The following ZNF282 variants were observed in gnomAD, a reference collection of about 807,000 sequenced individuals.
ZNF282 encodes HTLV-I U5 repressive element-binding protein 1.
Under a neutral mutation model 61.9 loss-of-function variants are expected in ZNF282, and 30 were observed. That is an observed-to-expected ratio of 0.48 (90% CI 0.36 to 0.66). The LOEUF (loss-of-function observed/expected upper bound fraction) is 0.66, where lower values mean the gene tolerates loss of function less well. Among genes scored for constraint, ZNF282 ranks in the 30% least tolerant of loss-of-function variants. ZNF282 has a pLI of 0.00. For missense variants in ZNF282, 788 were observed against 941.4 expected (o/e 0.84, Z 2.13); for synonymous variants, 396 against 405.0 (o/e 0.98, Z 0.27).
In ZNF282 at chr7:149,200,911, A is replaced by G. The variant is rs376709161; in HGVS notation, c.585+2159A>G. 7.9e-5 allele frequency among the ~76,000 whole-genome samples: 12 copies of G among 152,282 alleles called. No homozygotes were observed. The South Asian group carries it at 1.9e-3, about 24-fold the overall frequency. ...CACGCCCAGCTAGTCTCACATTATT[A>G]AAAGCAATCTGTATGCTCTCACCTC... is the stretch of plus-strand genomic sequence containing the variant. On this transcript the variant is annotated intron_variant, in intron 2 of 7. Transcript: ENST00000610704.
intron 3 of ZNF282, among the ~76,000 whole-genome samples, chr7:149,207,115 C>T (rs1022676692): frequency 3.9e-5 from 6 of 152,158 alleles, no homozygotes; most frequent in Non-Finnish European, 7.3e-5. Flanking sequence ...CCCAGCAGCC[C>T]GCGGTAAGCC....
chr7:149,223,918 C>T lies in ZNF282; in HGVS notation c.1287C>T (p.Ser429=). The part of the protein sequence containing the change: ...PQLQSQPQPQ[S]LPPIAVAENP... Reference sequence around the variant, plus strand: ...TGCAGTCGCAGCCCCAGCCCCAGAGCCTGCCCCCCATCGCGGTGGCCGAGA... The same window carrying T: ...TGCAGTCGCAGCCCCAGCCCCAGAGTCTGCCCCCCATCGCGGTGGCCGAGA... Residue 429 remains serine (S), a synonymous_variant, in exon 8 of 8, where the codon AGC becomes AGT. Transcript: ENST00000610704. 7.4e-7 allele frequency: 1 copy of T among 1,352,372 alleles called. No homozygotes were observed. Among genetic ancestry groups the T allele is most frequent in the Non-Finnish European group, 9.5e-7 (1 of 1,055,344 alleles). 83.8% of individuals were successfully genotyped at this position (1,352,372 alleles called of 1,614,324 possible).
intron 7 of ZNF282, 89 bp downstream of exon 7, chr7:149,213,903 C>A: frequency 2.3e-6 from 2 of 869,938 alleles, no homozygotes; most frequent in Non-Finnish European, 3.7e-6. Flanking sequence ...CTTCTCAGCT[C>A]ACCCCTCGTA....
At chr7:149,212,523 G>A in intron 6 of ZNF282, 52 bp downstream of exon 6, 2 of 1,328,212 alleles carry the variant, frequency 1.5e-6, no homozygotes, top group Admixed American at 2.1e-5. Flanking sequence ...TTTTCAAAAG[G>A]AATCATTAAA....
In ZNF282 at chr7:149,195,750, T is replaced by G. The variant is rs767152219; in HGVS notation, c.161T>G (p.Met54Arg). 20 of 1,517,264 alleles carry G rather than the reference T, an allele frequency of 1.3e-5. No homozygotes were observed. Among genetic ancestry groups the G allele is most frequent in the Non-Finnish European group, 1.7e-5 (19 of 1,133,790 alleles). The allele number at this position is 1,517,264 out of a possible 1,614,324, so 94.0% of individuals were successfully genotyped here. A position where few individuals can be genotyped will look rare whatever the true frequency, so the allele number is the denominator to read the frequency against. ...RGEMAEGMPP[M>R]QAQEWDMDAR... ...GAAATGGCCGAGGGAATGCCGCCCATGCAGGTGGGAGAACCCCGCCGGCGC... is the reference window on the plus strand; with the variant it reads ...GAAATGGCCGAGGGAATGCCGCCCAGGCAGGTGGGAGAACCCCGCCGGCGC... Residue 54 changes from methionine (M) to arginine (R), a missense_variant, in exon 1 of 8, where the codon ATG (methionine) becomes AGG (arginine). Physicochemically the swap from Met to Arg is moderately conservative, Grantham distance 91 (BLOSUM62 -1). This residue lies in a region of ZNF282 where 137 missense variants were observed against 135.4 expected (regional missense o/e 1.01). Coordinates refer to ENST00000610704, the MANE Select transcript of ZNF282 (RefSeq NM_003575.4).
chr7:149,211,401 C>T (rs1404385622), intron 5 of ZNF282, among the ~76,000 whole-genome samples: 1 of 152,156 alleles, frequency 6.6e-6, no homozygotes, highest in Admixed American at 6.6e-5. Context: ...CTGGAGCCTG[C>T]AGGCAGAATT....
intron 7 of ZNF282, among the ~76,000 whole-genome samples, chr7:149,217,697 A>G (rs78755455): frequency 2.2e-3 from 341 of 152,254 alleles, no homozygotes; most frequent in African/African-American, 8.0e-3. Context: ...AACAGGAAGG[A>G]GTGTGGACAT....
Position 149,213,787 on chromosome 7 carries a change from G to A in ZNF282, c.1153G>A (p.Gly385Arg), listed in dbSNP as rs552085439. ...YPWGPRDSMD[G>R]ELGLDSGPSD... ...ATGGGGACCACGCGACTCAATGGAC[G>A]GAGAGCTTGGATTAGACTCTGGCCC... The change falls in exon 7 of 8, where the codon GGA becomes AGA. Residue 385 changes from glycine (G) to arginine (R), a missense_variant. Gly to Arg is a moderately radical substitution (Grantham distance 125). Transcript: ENST00000610704. 22 of 1,613,860 alleles carry A rather than the reference G, an allele frequency of 1.4e-5. No individual in the cohort carries two copies. The highest frequency in any genetic ancestry group is 1.6e-5 in the Non-Finnish European group (19 of 1,179,900).
rs1585580691 is a variant in ZNF282, at chr7:149,224,699, A to T, written c.*52A>T. 2.1e-6 allele frequency: 3 copies of T among 1,445,044 alleles called. No individual in the cohort carries two copies. The highest frequency in any genetic ancestry group is 2.8e-5 in the African/African-American group (2 of 70,294). The allele number at this position is 1,445,044 out of a possible 1,614,324, so 89.5% of individuals were successfully genotyped here. A position where few individuals can be genotyped will look rare whatever the true frequency, so the allele number is the denominator to read the frequency against. ...GACGGAGTGGATCGGGGGCGGCCTG[A>T]GCACCAACCACCTTGCCGGGTGTCC... On this transcript the variant is annotated 3_prime_UTR_variant, in exon 8 of 8. Transcript: ENST00000610704.
chr7:149,206,638 G>C, intron 2 of ZNF282, 58 bp from the exon 3 acceptor site: 1 of 1,609,228 alleles, frequency 6.2e-7, no homozygotes, highest in Non-Finnish European at 8.5e-7. Flanking sequence ...CGCAGGAGAA[G>C]GGGAGGTGGT....
At chr7:149,218,380 T>TGGGGTCAGACTGACTTCTGTA (rs750188791) in intron 7 of ZNF282, among the ~76,000 whole-genome samples, 4 of 152,178 alleles carry the variant, frequency 2.6e-5, no homozygotes, top group African/African-American at 4.8e-5. Context: ...GACTGACTCC[T>TGGGGTCAGACTGACTTCTGTA]GGGTCTGGGT....
intron 7 of ZNF282, among the ~76,000 whole-genome samples, chr7:149,221,064 C>T (rs1249198585): frequency 2.0e-5 from 3 of 152,036 alleles, no homozygotes; most frequent in Non-Finnish European, 2.9e-5. Context: ...GGACCACAGG[C>T]GTGTGTCACA....
In ZNF282 at chr7:149,223,276, A is replaced by G. The variant is rs143879899; in HGVS notation, c.1181-536A>G. Among the ~76,000 whole-genome samples, 149 of 145,068 alleles carry G rather than the reference A, an allele frequency of 1.0e-3. 4 individuals carry two copies. The East Asian group carries it at 0.022, about 21-fold the overall frequency. On this transcript the variant is annotated intron_variant, in intron 7 of 7. Coordinates refer to ENST00000610704, the MANE Select transcript of ZNF282 (RefSeq NM_003575.4). Reference sequence around the variant, plus strand: ...GGCGTGAGCCACTGCGACCGGCCGAAAAGATTTGTTTTTTTTTTTTAATTA... The same window carrying G: ...GGCGTGAGCCACTGCGACCGGCCGAGAAGATTTGTTTTTTTTTTTTAATTA...
At position 149,224,287 on chromosome 7, in the gene ZNF282, G is replaced by T; in HGVS notation, c.1656G>T (p.Glu552Asp). The T allele has an allele frequency of 6.2e-7, 1 of 1,613,036 alleles. No homozygotes were observed. Among genetic ancestry groups the T allele is most frequent in the Non-Finnish European group, 8.5e-7 (1 of 1,179,870 alleles). The change falls in exon 8 of 8, where the codon GAG (glutamate) becomes GAT (aspartate). Residue 552 changes from glutamate to aspartate, a missense_variant. Coordinates refer to ENST00000610704, the MANE Select transcript of ZNF282 (RefSeq NM_003575.4). ...KERPYECAEC[E>D]KSFNCHSGLI... ...GGCCCTACGAGTGCGCTGAGTGCGA[G>T]AAGAGCTTCAACTGCCACTCGGGCC... is the stretch of plus-strand genomic sequence containing the variant.
intron 2 of ZNF282, among the ~76,000 whole-genome samples, chr7:149,201,696 G>T (rs1795913081): frequency 6.6e-6 from 1 of 152,072 alleles, no homozygotes; most frequent in Non-Finnish European, 1.5e-5. Flanking sequence ...AGGCTGCAGT[G>T]AGCTGAGATC....
chr7:149,207,545 C>T (rs540094540), intron 4 of ZNF282, 75 bp downstream of exon 4: 74 of 1,532,008 alleles, frequency 4.8e-5, no homozygotes, highest in East Asian at 9.8e-5. Flanking sequence ...ACACTGCTGC[C>T]GCGAGGCGCC....
At chr7:149,196,878 C>T (rs961676935) in intron 1 of ZNF282, among the ~76,000 whole-genome samples, 4 of 152,130 alleles carry the variant, frequency 2.6e-5, no homozygotes, top group East Asian at 1.9e-4. Flanking sequence ...AGGTCTGCCC[C>T]GGAGCAGGGC....
chr7:149,206,075 G>A (rs1795986916), intron 2 of ZNF282, among the ~76,000 whole-genome samples: 1 of 152,196 alleles, frequency 6.6e-6, no homozygotes, highest in African/African-American at 2.4e-5. Flanking sequence ...TCATCAGTCT[G>A]ACAAGTGACT....
At position 149,206,776 on chromosome 7, in the gene ZNF282, T is replaced by C; in HGVS notation, c.666T>C (p.Leu222=). The change falls in exon 3 of 8, where the codon CTT becomes CTC. Residue 222 remains leucine, a synonymous_variant. Coordinates refer to ENST00000610704, the MANE Select transcript of ZNF282 (RefSeq NM_003575.4). The stretch of plus-strand genomic sequence containing the variant: ...ACTTGGACGAATGGCAGAAGGAGCT[T>C]TATAACAACCTTGTTAAGGAGAACT... ...WKNLDEWQKE[L]YNNLVKENYK... 1 of 1,614,190 alleles carries C rather than the reference T, an allele frequency of 6.2e-7. No homozygotes were observed. Among genetic ancestry groups the C allele is most frequent in the Non-Finnish European group, 8.5e-7 (1 of 1,180,030 alleles).
Sources: gnomAD v4.1 joint callset for allele counts (sites outside exome capture counted in the v4.1 genomes callset) on GRCh38, gnomAD v4.1.1 for gene constraint, gnomAD v4.1.1 regional missense constraint, MANE v1.5 for transcripts, NCBI Gene and HGNC (gene_info 2026-07-23, HGNC 2026-07-21) for gene names.